The following KTN1 variants were observed in gnomAD, a reference collection of about 807,000 sequenced individuals.
The protein encoded by KTN1 is kinectin 1.
KTN1 carries 130 observed loss-of-function variants against 222.5 expected under a neutral mutation model. The ratio of observed to expected loss-of-function variants is 0.58; its 90% confidence interval spans 0.51 to 0.68. KTN1 has a LOEUF of 0.68. KTN1 is among the 30% of genes least tolerant of loss of function. The pLI, the probability that KTN1 is intolerant of heterozygous loss-of-function variation, is 0.00. For missense variants in KTN1, 1,508 were observed against 1,500.4 expected, an observed-to-expected ratio of 1.01 and a Z score of -0.08; for synonymous variants, 512 against 496.3, an observed-to-expected ratio of 1.03 and a Z score of -0.42.
At position 55,661,611 on chromosome 14, in the gene KTN1, A is replaced by G. The variant is rs1258705802; in HGVS notation, c.3089A>G (p.Asn1030Ser). 2 of 1,489,268 alleles carry G rather than the reference A, an allele frequency of 1.3e-6. No individual in the cohort carries two copies. The highest frequency in any genetic ancestry group is 1.9e-6 in the Non-Finnish European group (2 of 1,067,606). 92.3% of individuals were successfully genotyped at this position (1,489,268 alleles called of 1,614,324 possible). The change falls in exon 32 of 44, where the codon AAT (asparagine) becomes AGT (serine). Residue 1030 changes from asparagine to serine, a missense_variant and splice_region_variant. Asn to Ser is a conservative substitution (Grantham distance 46). Transcript: ENST00000395314. ...GTTGAACACCAGAGGAAGAAAAACA[A>G]TGTAAGTAGATCTTTATCAGAATGA... ...DAVEHQRKKN[N>S]DLREKNWEAM...
intron 31 of KTN1, among the ~76,000 whole-genome samples, chr14:55,660,534 A>T (rs2044014625): frequency 6.6e-6 from 1 of 151,938 alleles, no homozygotes; most frequent in African/African-American, 2.4e-5. Flanking sequence ...TTAATAGATG[A>T]TGTAAGTGAT....
intron 7 of KTN1, among the ~76,000 whole-genome samples, chr14:55,630,386 G>A (rs2140906539): frequency 6.6e-6 from 1 of 152,300 alleles, no homozygotes; most frequent in Middle Eastern, 3.4e-3. Flanking sequence ...GAAGTGATAT[G>A]CAGACTGTGT....
At chr14:55,674,424 G>A (rs1232505982) in intron 40 of KTN1, 1 of 151,550 alleles carries the variant, frequency 6.6e-6, no homozygotes, top group Admixed American at 6.6e-5. Flanking sequence ...TCAGATTAGG[G>A]ATGTTCATAC....
rs1457024384 is a variant in KTN1, at chr14:55,638,986, C to T, written c.1786-199C>T. On this transcript the variant is annotated intron_variant, in intron 12 of 43. Coordinates refer to ENST00000395314, the MANE Select transcript of KTN1 (RefSeq NM_001079521.2). ...TCTAAATGTCTTGTGATATGTAATT[C>T]GTGACTACTGGCTGTTGGTGATCAA... Among the ~76,000 whole-genome samples the T allele has an allele frequency of 2.6e-5, 4 of 151,688 alleles. No individual in the cohort carries two copies. The East Asian group carries it at 5.8e-4, about 22-fold the overall frequency.
intron 3 of KTN1, among the ~76,000 whole-genome samples, chr14:55,617,678 G>A (rs901309190): frequency 4.6e-5 from 7 of 152,108 alleles, no homozygotes; most frequent in African/African-American, 1.7e-4. Context: ...AAAAATTAAA[G>A]GAGACTTAAG....
chr14:55,645,388 A>G (rs1396052894), intron 18 of KTN1, among the ~76,000 whole-genome samples: 5 of 152,222 alleles, frequency 3.3e-5, no homozygotes, highest in African/African-American at 1.2e-4. Context: ...CTGATGCAGC[A>G]TGTGGGTAAG....
At chr14:55,641,869 A>G (rs746688086) in intron 18 of KTN1, 109 bp downstream of exon 18, 3 of 735,950 alleles carry the variant, frequency 4.1e-6, no homozygotes, top group Non-Finnish European at 7.2e-6. Context: ...TTAAGCTTAG[A>G]TATGGCTGTT....
chr14:55,630,790 G>A (rs1305458745), intron 7 of KTN1, among the ~76,000 whole-genome samples: 1 of 152,172 alleles, frequency 6.6e-6, no homozygotes, highest in African/African-American at 2.4e-5. Flanking sequence ...GGTAGCAGTG[G>A]GGAAAGTGGA....
intron 22 of KTN1, among the ~76,000 whole-genome samples, 195 bp downstream of exon 22, chr14:55,650,008 CAAAAA>C (rs543381605): frequency 4.2e-5 from 6 of 143,058 alleles, no homozygotes; most frequent in African/African-American, 1.5e-4. Context: ...AAAAAAAAAA[CAAAAA>C]AAAACTATTT....
chr14:55,629,901 A>G, intron 6 of KTN1, 56 bp from the exon 7 acceptor site: 1 of 1,046,646 alleles, frequency 9.6e-7, no homozygotes, highest in Non-Finnish European at 1.5e-6. Context: ...TCATTGTTGC[A>G]GGCTTATGAT....
In KTN1 at chr14:55,671,507, T is replaced by C. The variant is rs900110206; in HGVS notation, c.3349-59T>C. ...TACAGTATTAAGTACTAAAACAAACTTGAAGCATAAAACTTTCTGGTAGAA... is the reference window on the plus strand; with the variant it reads ...TACAGTATTAAGTACTAAAACAAACCTGAAGCATAAAACTTTCTGGTAGAA... On this transcript the variant is annotated intron_variant, in intron 35 of 43. Coordinates refer to ENST00000395314, the MANE Select transcript of KTN1 (RefSeq NM_001079521.2). 6 of 1,290,406 alleles carry C rather than the reference T, an allele frequency of 4.6e-6. No homozygotes were observed. In the African/African-American group the frequency reaches 8.9e-5, roughly 19 times the overall value. 79.9% of individuals were successfully genotyped at this position (1,290,406 alleles called of 1,614,324 possible). A position where few individuals can be genotyped will look rare whatever the true frequency, so the allele number is the denominator to read the frequency against.
At chr14:55,633,140 A>T in intron 7 of KTN1, 95 bp from the exon 8 acceptor site, 1 of 519,168 alleles carries the variant, frequency 1.9e-6, no homozygotes, top group Non-Finnish European at 3.3e-6. Flanking sequence ...CATTCTATTG[A>T]TGTTTTTTAT....
At chr14:55,599,682 G>C (rs2035670799) in intron 1 of KTN1, among the ~76,000 whole-genome samples, 1 of 152,042 alleles carries the variant, frequency 6.6e-6, no homozygotes, top group African/African-American at 2.4e-5. Context: ...TCGCCATGTT[G>C]GCCAGGTGGT....
chr14:55,674,200 C>T (rs966938023), intron 40 of KTN1: 6 of 151,842 alleles, frequency 4.0e-5, no homozygotes, highest in Admixed American at 1.3e-4. Context: ...TAGAGTAGAG[C>T]GGTATGAAAT....
rs1392051627 is a variant in KTN1, at chr14:55,650,403, G to A, written c.2481G>A (p.Lys827=). The A allele has an allele frequency of 6.2e-7, 1 of 1,609,652 alleles. No individual in the cohort carries two copies. The highest frequency in any genetic ancestry group is 8.5e-7 in the Non-Finnish European group (1 of 1,177,674). ...CAGAACTTCTCAAAGTTGCTAACAA[G>A]GAGAAAACTGTTCAGGTATTGGGAG... ...LEAELLKVAN[K]EKTVQDLKQE... Residue 827 remains lysine, a synonymous_variant, in exon 23 of 44, where the codon AAG becomes AAA. Transcript: ENST00000395314.
chr14:55,595,759 G>A (rs2034914248), intron 1 of KTN1, among the ~76,000 whole-genome samples: 1 of 152,042 alleles, frequency 6.6e-6, no homozygotes, highest in African/African-American at 2.4e-5. Flanking sequence ...TTACTTTATT[G>A]ACTGTTCTGA....
chr14:55,615,880 T>C (rs1566716810), intron 2 of KTN1, among the ~76,000 whole-genome samples: 15 of 147,532 alleles, frequency 1.0e-4, no homozygotes, highest in African/African-American at 3.3e-4. Context: ...CTTTTCTTCT[T>C]TCTTTCTCTC....
At chr14:55,618,436 T>C (rs1232795751) in intron 4 of KTN1, among the ~76,000 whole-genome samples, 5 of 151,934 alleles carry the variant, frequency 3.3e-5, no homozygotes, top group African/African-American at 1.2e-4. Context: ...TAATAGACTG[T>C]TTTTTTTAGA....
chr14:55,654,431 C>CT, intron 28 of KTN1, among the ~76,000 whole-genome samples: 1 of 151,794 alleles, frequency 6.6e-6, no homozygotes, highest in Non-Finnish European at 1.5e-5. Flanking sequence ...TGTCGAGGTG[C>CT]TTATCTCTTA....
Sources: gnomAD v4.1 joint callset for allele counts (sites outside exome capture counted in the v4.1 genomes callset) on GRCh38, gnomAD v4.1.1 for gene constraint, MANE v1.5 for transcripts, NCBI Gene and HGNC (gene_info 2026-07-23, HGNC 2026-07-21) for gene names.